Variants in ORC5 observed in about 807,000 individuals in gnomAD.
ORC5 encodes origin recognition complex subunit 5, also known as protein phosphatase 1, regulatory subunit 117.
In ORC5, 39 loss-of-function variants were observed where a neutral mutation model predicts 58.8. The observed-to-expected ratio is 0.66, with a 90% CI of 0.51 to 0.87. The LOEUF (loss-of-function observed/expected upper bound fraction) is 0.87. Ranked by LOEUF, ORC5 falls within the 40% of genes least tolerant of loss-of-function variation. ORC5 has a pLI of 0.00. For synonymous variants in ORC5, 218 were observed against 177.6 expected, an observed-to-expected ratio of 1.23 and a Z score of -1.81; for missense variants, 493 against 506.3, an observed-to-expected ratio of 0.97 and a Z score of 0.25.
intron 12 of ORC5, among the ~76,000 whole-genome samples, chr7:104,152,094 A>T (rs1798855949): frequency 6.6e-6 from 1 of 152,170 alleles, no homozygotes; most frequent in Non-Finnish European, 1.5e-5. Flanking sequence ...GAATCAAGAC[A>T]ATTTCTTACT....
chr7:104,142,911 C>A (rs1264952192), intron 12 of ORC5, among the ~76,000 whole-genome samples: 1 of 152,114 alleles, frequency 6.6e-6, no homozygotes, highest in African/African-American at 2.4e-5. Context: ...AAACCCAAGA[C>A]AAGACAAATT....
In ORC5 at chr7:104,157,768, G is replaced by T. The variant is rs142004750; in HGVS notation, c.1149+3304C>A. Among the ~76,000 whole-genome samples, 886 of 152,144 alleles carry T rather than the reference G, an allele frequency of 5.8e-3. 30 individuals carry two copies. Among genetic ancestry groups the T allele is most frequent in the Admixed American group, 0.049 (746 of 15,252 alleles). The stretch of plus-strand genomic sequence containing the variant: ...ACGAATGTAAAGAACAATATGTAAG[G>T]TACCAATAGTAAGGTGTGGCATGTG... On this transcript the variant is annotated intron_variant, in intron 12 of 13. Coordinates refer to ENST00000297431, the MANE Select transcript of ORC5 (RefSeq NM_002553.4).
intron 12 of ORC5, among the ~76,000 whole-genome samples, chr7:104,151,856 T>G (rs545631133): frequency 1.3e-5 from 2 of 152,336 alleles, no homozygotes; most frequent in East Asian, 3.9e-4. Context: ...GGAGGAGGCA[T>G]GATTACTTTT....
chr7:104,144,496 C>T (rs907612295), intron 12 of ORC5, among the ~76,000 whole-genome samples: 1 of 152,186 alleles, frequency 6.6e-6, no homozygotes, highest in African/African-American at 2.4e-5. Context: ...TGGCTCACAC[C>T]TGTAATCCCA....
At chr7:104,163,935 G>T (rs1799065699) in intron 11 of ORC5, among the ~76,000 whole-genome samples, 1 of 152,160 alleles carries the variant, frequency 6.6e-6, no homozygotes, top group Non-Finnish European at 1.5e-5. Context: ...TGAAATCATA[G>T]AATTTTTTAG....
intron 3 of ORC5, among the ~76,000 whole-genome samples, chr7:104,199,478 G>C (rs995879720): frequency 6.6e-6 from 1 of 152,228 alleles, no homozygotes; most frequent in African/African-American, 2.4e-5. Context: ...GAGGCATGGA[G>C]TCAAAGGAGA....
chr7:104,139,615 G>A (rs928904719), intron 12 of ORC5, among the ~76,000 whole-genome samples: 7 of 151,976 alleles, frequency 4.6e-5, no homozygotes, highest in African/African-American at 1.7e-4. Flanking sequence ...AACTAGAAAA[G>A]CAATTTATAT....
chr7:104,188,776 C>A (rs1371588238), intron 5 of ORC5, among the ~76,000 whole-genome samples: 1 of 152,044 alleles, frequency 6.6e-6, no homozygotes, highest in Non-Finnish European at 1.5e-5. Context: ...GGAGGAGGGG[C>A]CTCGTGGGAG....
chr7:104,193,793 T>TTA (rs1196400995), intron 5 of ORC5, among the ~76,000 whole-genome samples: 1 of 151,716 alleles, frequency 6.6e-6, no homozygotes, highest in African/African-American at 2.4e-5. Context: ...GGCTCCATTA[T>TTA]TATATACTTT....
At chr7:104,172,212 G>T (rs1799225769) in intron 8 of ORC5, among the ~76,000 whole-genome samples, 1 of 152,164 alleles carries the variant, frequency 6.6e-6, no homozygotes, top group Admixed American at 6.5e-5. Flanking sequence ...TCTCTTTATT[G>T]ATATTGTGGA....
At chr7:104,207,767 G>T (rs1400320438) in intron 1 of ORC5, 66 bp downstream of exon 1, 1 of 1,475,018 alleles carries the variant, frequency 6.8e-7, no homozygotes, top group Non-Finnish European at 9.5e-7. Flanking sequence ...AACAAATATT[G>T]GAACAGGTCG....
At chr7:104,159,111 A>C (rs2115842580) in intron 12 of ORC5, among the ~76,000 whole-genome samples, 1 of 151,052 alleles carries the variant, frequency 6.6e-6, no homozygotes, top group African/African-American at 2.4e-5. Context: ...GATTAAGAAA[A>C]TGTGGCACAT....
chr7:104,173,992 C>G (rs1248493418), intron 8 of ORC5, among the ~76,000 whole-genome samples: 3 of 151,112 alleles, frequency 2.0e-5, no homozygotes, highest in African/African-American at 4.9e-5. Context: ...CTACAGGCGC[C>G]CGCCACTACG....
At chr7:104,207,341 T>C (rs1387242825) in intron 1 of ORC5, among the ~76,000 whole-genome samples, 1 of 152,202 alleles carries the variant, frequency 6.6e-6, no homozygotes, top group African/African-American at 2.4e-5. Flanking sequence ...AGACCTCTTC[T>C]GGACTGTTAC....
intron 5 of ORC5, among the ~76,000 whole-genome samples, chr7:104,189,597 T>C (rs1799627809): frequency 6.6e-6 from 1 of 152,058 alleles, no homozygotes; most frequent in Non-Finnish European, 1.5e-5. Flanking sequence ...GACTATATAA[T>C]GGCACCTCCA....
intron 13 of ORC5, among the ~76,000 whole-genome samples, chr7:104,132,805 G>C (rs1446190510): frequency 6.6e-6 from 1 of 152,092 alleles, no homozygotes; most frequent in Admixed American, 6.5e-5. Flanking sequence ...AGAACAAAAT[G>C]GGAACTTCCA....
chr7:104,196,447 C>A (rs1333373578), intron 4 of ORC5, among the ~76,000 whole-genome samples: 2 of 152,160 alleles, frequency 1.3e-5, no homozygotes, highest in African/African-American at 4.8e-5. Flanking sequence ...CAAAGAAAAG[C>A]AAGACTGTGT....
chr7:104,152,828 GTAT>G (rs1798867505), intron 12 of ORC5, among the ~76,000 whole-genome samples: 1 of 152,110 alleles, frequency 6.6e-6, no homozygotes, highest in Admixed American at 6.6e-5. Context: ...AAGTACCAAT[GTAT>G]TATTTTATAC....
chr7:104,184,222 A>G (rs745823404), intron 6 of ORC5, 51 bp from the exon 7 acceptor site: 1 of 1,141,446 alleles, frequency 8.8e-7, no homozygotes, highest in Non-Finnish European at 1.3e-6. Context: ...ATCGATCACA[A>G]TTAGAAATTT....
Sources: gnomAD v4.1 joint callset for allele counts (sites outside exome capture counted in the v4.1 genomes callset) on GRCh38, gnomAD v4.1.1 for gene constraint, MANE v1.5 for transcripts, NCBI Gene and HGNC (gene_info 2026-07-23, HGNC 2026-07-21) for gene names.